ARSK: variants seen among roughly 807,000 people sequenced by gnomAD.
ARSK encodes arylsulfatase K.
In ARSK, 37 loss-of-function variants were observed where a neutral mutation model predicts 53.2. The ratio of observed to expected loss-of-function variants is 0.70; its 90% confidence interval spans 0.54 to 0.92. ARSK has a LOEUF of 0.92. Among genes scored for constraint, ARSK ranks in the 40% least tolerant of loss-of-function variants. The pLI is 0.00. For missense variants in ARSK, 613 were observed against 643.0 expected, an observed-to-expected ratio of 0.95 and a Z score of 0.51; for synonymous variants, 208 against 223.2, an observed-to-expected ratio of 0.93 and a Z score of 0.61.
rs1456122041 is a variant in ARSK, at chr5:95,604,960, A to G, written c.*1434A>G. On this transcript the variant is annotated 3_prime_UTR_variant, in exon 8 of 8. Coordinates refer to ENST00000380009, the MANE Select transcript of ARSK (RefSeq NM_198150.3). ...TTTGACTTTGTTCTGGTATTTTTTG[A>G]TATGTAGAAATTTTTATTTTCATGT... The G allele has an allele frequency of 2.0e-5, 3 of 152,084 alleles. No individual in the cohort carries two copies. The East Asian group carries it at 5.8e-4, about 29-fold the overall frequency. 9.4% of individuals were successfully genotyped at this position (152,084 alleles called of 1,614,324 possible). A position where few individuals can be genotyped will look rare whatever the true frequency, so the allele number is the denominator to read the frequency against.
chr5:95,602,790 A>T (rs1328861832), intron 7 of ARSK, among the ~76,000 whole-genome samples: 3 of 152,220 alleles, frequency 2.0e-5, no homozygotes, highest in Non-Finnish European at 4.4e-5. Flanking sequence ...ACTAATATAT[A>T]AAGAAAACTA....
rs17084927 is a variant in ARSK, at chr5:95,603,489, A to G, written c.1574A>G (p.Gln525Arg). The G allele has an allele frequency of 0.047, 74,978 of 1,612,068 alleles. 2,453 individuals carry two copies. The highest frequency in any genetic ancestry group is 0.13 in the East Asian group (5,907 of 44,834). ...EPRKYENAID[Q>R]WLKTHMNPRA... is the part of the protein sequence containing the mutation. ...AGGAAGTATGAAAATGCAATTGATC[A>G]GTGGCTTAAAACCCATATGAATCCA... Residue 525 changes from glutamine (Q) to arginine (R), a missense_variant, in exon 8 of 8, where the codon CAG (glutamine) becomes CGG (arginine). Coordinates refer to ENST00000380009, the MANE Select transcript of ARSK (RefSeq NM_198150.3).
At chr5:95,566,258 G>T in intron 2 of ARSK, 131 bp downstream of exon 2, 1 of 1,167,772 alleles carries the variant, frequency 8.6e-7, no homozygotes, top group Non-Finnish European at 1.2e-6. Flanking sequence ...TATAAAAGAT[G>T]TGCATTTTAA....
intron 3 of ARSK, among the ~76,000 whole-genome samples, chr5:95,575,958 T>C (rs981991465): frequency 1.3e-5 from 2 of 152,164 alleles, no homozygotes; most frequent in African/African-American, 4.8e-5. Context: ...CTTGTTGTGT[T>C]CCAGATCTTA....
chr5:95,585,582 T>A (rs1026909995), intron 4 of ARSK, among the ~76,000 whole-genome samples: 2 of 152,214 alleles, frequency 1.3e-5, no homozygotes, highest in African/African-American at 4.8e-5. Context: ...AAACATCATA[T>A]GTTCTCACTA....
At chr5:95,583,977 T>G (rs148213845) in intron 4 of ARSK, among the ~76,000 whole-genome samples, 1 of 152,246 alleles carries the variant, frequency 6.6e-6, no homozygotes, top group Non-Finnish European at 1.5e-5. Context: ...CTCGTAAATG[T>G]GCCTTCACTA....
Position 95,567,916 on chromosome 5 carries a change from T to C in ARSK, c.283T>C (p.Leu95=). The C allele has an allele frequency of 6.2e-7, 1 of 1,612,296 alleles. No individual in the cohort carries two copies. Among genetic ancestry groups the C allele is most frequent in the Non-Finnish European group, 8.5e-7 (1 of 1,179,112 alleles). The part of the protein sequence containing the change: ...AAMWSGLFTH[L]TESWNNFKGL... ...AATGTGGAGTGGCCTCTTCACTCAC[T>C]TAACAGAATCTTGGAATAATTTTAA... The change falls in exon 3 of 8, where the codon TTA becomes CTA. Residue 95 remains leucine (L), a synonymous_variant. Coordinates refer to ENST00000380009, the MANE Select transcript of ARSK (RefSeq NM_198150.3).
intron 5 of ARSK, among the ~76,000 whole-genome samples, chr5:95,589,179 A>G (rs1253961183): frequency 6.6e-6 from 1 of 152,132 alleles, no homozygotes; most frequent in Admixed American, 6.6e-5. Context: ...TGCTTACTTT[A>G]TACCTTGTCA....
chr5:95,556,203 C>T (rs1457096020), intron 1 of ARSK: 2 of 702,264 alleles, frequency 2.8e-6, no homozygotes, highest in South Asian at 1.5e-5. Flanking sequence ...TTTCCTTTCT[C>T]GTAGATTCCT....
At chr5:95,579,704 T>C (rs1478788934) in intron 3 of ARSK, among the ~76,000 whole-genome samples, 1 of 152,172 alleles carries the variant, frequency 6.6e-6, no homozygotes, top group African/African-American at 2.4e-5. Flanking sequence ...TGTGTGATGA[T>C]TATTTGTATC....
intron 6 of ARSK, among the ~76,000 whole-genome samples, chr5:95,597,763 G>A (rs1015913029): frequency 1.3e-5 from 2 of 152,086 alleles, no homozygotes; most frequent in Non-Finnish European, 2.9e-5. Context: ...GCGTGGTGAT[G>A]TGCACCTGTA....
At chr5:95,600,688 G>T (rs1314618890) in intron 6 of ARSK, 159 bp from the exon 7 acceptor site, 1 of 751,532 alleles carries the variant, frequency 1.3e-6, no homozygotes, top group Non-Finnish European at 2.3e-6. Flanking sequence ...AGTGGGGTAA[G>T]CATGTGAATT....
intron 1 of ARSK, 151 bp from the exon 2 acceptor site, chr5:95,565,847 G>A: frequency 1.4e-6 from 1 of 697,562 alleles, no homozygotes; most frequent in East Asian, 2.9e-5. Context: ...ACCAGATACT[G>A]GAAACACCCT....
chr5:95,582,862 T>C, intron 3 of ARSK, 54 bp from the exon 4 acceptor site: 1 of 1,479,040 alleles, frequency 6.8e-7, no homozygotes, highest in Non-Finnish European at 9.0e-7. Flanking sequence ...GCTTAGTATG[T>C]TTTTAAAACT....
rs1749046943 is a variant in ARSK at position 95,583,113 on chromosome 5, A to G, written c.614A>G (p.Asn205Ser). Residue 205 changes from asparagine to serine, a missense_variant, in exon 4 of 8, where the codon AAT becomes AGT. By Grantham distance (46) the Asn-to-Ser change is conservative (BLOSUM62 1). Coordinates refer to ENST00000380009, the MANE Select transcript of ARSK (RefSeq NM_198150.3). ...TEPFVIYLGLNLPHPYPSPSS... is the reference protein window; with the variant it reads ...TEPFVIYLGLSLPHPYPSPSS... ...CCATTTGTTATTTACTTGGGATTAAATTTACCACACCCTTACCCTTCACCA... is the reference window on the plus strand; with the variant it reads ...CCATTTGTTATTTACTTGGGATTAAGTTTACCACACCCTTACCCTTCACCA... The G allele has an allele frequency of 1.2e-6, 2 of 1,613,472 alleles. No individual in the cohort carries two copies. The highest frequency in any genetic ancestry group is 1.7e-5 in the Admixed American group (1 of 59,972).
intron 2 of ARSK, among the ~76,000 whole-genome samples, chr5:95,566,934 A>C (rs1748735194): frequency 6.6e-6 from 1 of 152,222 alleles, no homozygotes; most frequent in Non-Finnish European, 1.5e-5. Flanking sequence ...GATGAAAAGA[A>C]ACTAAACTAT....
At chr5:95,581,538 G>C (rs1029143859) in intron 3 of ARSK, among the ~76,000 whole-genome samples, 5 of 152,152 alleles carry the variant, frequency 3.3e-5, no homozygotes, top group Non-Finnish European at 5.9e-5. Flanking sequence ...CCTGCTTGTT[G>C]TAATAGTTTC....
chr5:95,574,033 G>T (rs1399686846), intron 3 of ARSK, among the ~76,000 whole-genome samples: 2 of 151,796 alleles, frequency 1.3e-5, no homozygotes, highest in African/African-American at 4.8e-5. Context: ...CCAGCTTTTG[G>T]TAAACCATCA....
At chr5:95,563,456 A>G (rs560116379) in intron 1 of ARSK, among the ~76,000 whole-genome samples, 3 of 152,334 alleles carry the variant, frequency 2.0e-5, no homozygotes, top group South Asian at 2.1e-4. Context: ...CAATCTTAAC[A>G]TAGATCACCT....
Sources: gnomAD v4.1 joint callset for allele counts (sites outside exome capture counted in the v4.1 genomes callset) on GRCh38, gnomAD v4.1.1 for gene constraint, MANE v1.5 for transcripts, NCBI Gene and HGNC (gene_info 2026-07-23, HGNC 2026-07-21) for gene names.